HDAC9: variants seen among roughly 807,000 people sequenced by gnomAD.
HDAC9 encodes MEF-2 interacting transcription repressor (MITR) protein.
In HDAC9, 41 loss-of-function variants were observed where a neutral mutation model predicts 139.4. That is an observed-to-expected ratio of 0.29 (90% CI 0.23 to 0.38). HDAC9 has a LOEUF of 0.38. Ranked by LOEUF, HDAC9 falls within the 10% of genes least tolerant of loss-of-function variation. HDAC9 has a pLI of 1.00. For missense variants in HDAC9, 1,147 were observed against 1,297.0 expected (o/e 0.88, Z 1.78); for synonymous variants, 517 against 476.2 (o/e 1.09, Z -1.12).
At chr7:18,568,920 A>G (rs1583489926) in intron 2 of HDAC9, among the ~76,000 whole-genome samples, 2 of 152,084 alleles carry the variant, frequency 1.3e-5, no homozygotes, top group Admixed American at 1.3e-4. Context: ...GGTGGCACAT[A>G]CCTGTAATAC....
intron 22 of HDAC9, among the ~76,000 whole-genome samples, chr7:18,933,534 G>A (rs1366186280): frequency 6.6e-6 from 1 of 151,236 alleles, no homozygotes; most frequent in Non-Finnish European, 1.5e-5. Flanking sequence ...ATAAATTTTG[G>A]GGTGTAGTCA....
chr7:18,972,314 G>A (rs559527565), intron 24 of HDAC9, among the ~76,000 whole-genome samples: 1 of 150,144 alleles, frequency 6.7e-6, no homozygotes, highest in East Asian at 2.0e-4. Context: ...CCGGATTAGT[G>A]TGGGATCTCC....
intron 1 of HDAC9, among the ~76,000 whole-genome samples, chr7:18,097,153 G>C (rs530967078): frequency 6.6e-6 from 1 of 152,176 alleles, no homozygotes; most frequent in Non-Finnish European, 1.5e-5. Flanking sequence ...TGGCTAGTGG[G>C]CAGCACAGAC....
Position 18,376,960 on chromosome 7 carries a change from G to C in HDAC9, c.-42+86445G>C, listed in dbSNP as rs576042239. On this transcript the variant is annotated intron_variant, in intron 1 of 3. Transcript: ENST00000413509. ...ACCTAAGCTGATGAAGACATTAATGGTTTTTTAAAGGGAACAAGCATATGA... is the reference window on the plus strand; with the variant it reads ...ACCTAAGCTGATGAAGACATTAATGCTTTTTTAAAGGGAACAAGCATATGA... Among the ~76,000 whole-genome samples, 53 of 152,032 alleles carry C rather than the reference G, an allele frequency of 3.5e-4. 1 individual carries two copies. The highest frequency in any genetic ancestry group is 1.2e-3 in the African/African-American group (49 of 41,500).
At chr7:18,559,638 G>T (rs375922730) in intron 2 of HDAC9, among the ~76,000 whole-genome samples, 4 of 152,068 alleles carry the variant, frequency 2.6e-5, no homozygotes, top group Non-Finnish European at 5.9e-5. Flanking sequence ...AGGAGCTAAG[G>T]CCCCTACACT....
intron 16 of HDAC9, among the ~76,000 whole-genome samples, chr7:18,784,389 T>A (rs1791514833): frequency 1.3e-5 from 2 of 152,030 alleles, no homozygotes; most frequent in Admixed American, 1.3e-4. Context: ...CAAGAATTTT[T>A]TTTTTACAAC....
intron 17 of HDAC9, among the ~76,000 whole-genome samples, chr7:18,821,515 T>C (rs28401174): frequency 0.03 from 4,522 of 152,208 alleles, 232 homozygotes; most frequent in African/African-American, 0.1. Context: ...GAAAGCAAGA[T>C]GAATGGTGAT....
intron 13 of HDAC9, among the ~76,000 whole-genome samples, chr7:18,734,666 T>C (rs1265899534): frequency 6.6e-6 from 1 of 152,234 alleles, no homozygotes; most frequent in East Asian, 1.9e-4. Flanking sequence ...TTCCAGGTCT[T>C]TCCTGTTGTG....
At chr7:18,501,130 TAAAAC>T (rs887208262) in intron 2 of HDAC9, among the ~76,000 whole-genome samples, 9 of 152,150 alleles carry the variant, frequency 5.9e-5, no homozygotes, top group South Asian at 2.1e-4. Flanking sequence ...GAGATGAACT[TAAAAC>T]AAACAAAAAA....
intron 2 of HDAC9, among the ~76,000 whole-genome samples, chr7:18,497,792 C>T (rs1049462833): frequency 6.6e-6 from 1 of 152,132 alleles, no homozygotes; most frequent in Admixed American, 6.6e-5. Context: ...TTTTAGTCCT[C>T]ACTTCTGTGT....
chr7:18,663,486 C>T (rs777650673), intron 11 of HDAC9, among the ~76,000 whole-genome samples: 3 of 151,978 alleles, frequency 2.0e-5, no homozygotes, highest in Admixed American at 1.3e-4. Context: ...CAGGGACTTC[C>T]GACATAGCAT....
At position 18,172,208 on chromosome 7, in the gene HDAC9, T is replaced by C. The variant is rs576189175; in HGVS notation, c.25+9859T>C. 7.9e-5 allele frequency among the ~76,000 whole-genome samples: 12 copies of C among 152,272 alleles called. No individual in the cohort carries two copies. In the East Asian group the frequency reaches 1.2e-3, roughly 15 times the overall value. On this transcript the variant is annotated intron_variant, in intron 2 of 12. Coordinates refer to the HDAC9 transcript ENST00000417496. ...GTGTCTAGGAATTTATCCATTTCTTTTAGATTTTCTAGTTTATTTGCATAG... is the reference window on the plus strand; with the variant it reads ...GTGTCTAGGAATTTATCCATTTCTTCTAGATTTTCTAGTTTATTTGCATAG...
At chr7:18,391,438 C>A (rs1786481645) in intron 1 of HDAC9, among the ~76,000 whole-genome samples, 1 of 152,006 alleles carries the variant, frequency 6.6e-6, no homozygotes, top group Admixed American at 6.6e-5. Context: ...TGTCCTACAT[C>A]CTTTTCTTGG....
chr7:18,469,834 G>A (rs1390187803), intron 1 of HDAC9, among the ~76,000 whole-genome samples: 3 of 152,046 alleles, frequency 2.0e-5, no homozygotes, highest in South Asian at 2.1e-4. Flanking sequence ...TAGAAACAAC[G>A]AATCATAGGT....
At chr7:18,205,007 G>C (rs1354407300) in intron 2 of HDAC9, among the ~76,000 whole-genome samples, 1 of 151,914 alleles carries the variant, frequency 6.6e-6, no homozygotes, top group Non-Finnish European at 1.5e-5. Flanking sequence ...TTATATGTGT[G>C]TGTGTGTGTT....
intron 17 of HDAC9, among the ~76,000 whole-genome samples, chr7:18,821,921 T>C (rs1795003977): frequency 6.6e-6 from 1 of 152,152 alleles, no homozygotes; most frequent in Non-Finnish European, 1.5e-5. Context: ...TGTTTTACTA[T>C]GAGAGACACA....
In HDAC9 at chr7:18,939,671, A is replaced by G. The variant is rs145742249; in HGVS notation, c.2937+3729A>G. On this transcript the variant is annotated intron_variant, in intron 23 of 25. Transcript: ENST00000686413. The stretch of plus-strand genomic sequence containing the variant: ...TCACCATTTTTTAAAAAGTGCATAT[A>G]TGTAGTTTTCACAGTAGTTTTATAT... Among the ~76,000 whole-genome samples the G allele has an allele frequency of 2.8e-3, 420 of 152,314 alleles. 2 individuals are homozygous for G. The highest frequency in any genetic ancestry group is 9.9e-3 in the African/African-American group (410 of 41,576).
chr7:18,967,988 C>A (rs1783988445), intron 24 of HDAC9, among the ~76,000 whole-genome samples: 1 of 151,872 alleles, frequency 6.6e-6, no homozygotes, highest in Non-Finnish European at 1.5e-5. Context: ...CTTGGAGAAA[C>A]CCGGTCTCTA....
chr7:18,897,826 A>AC (rs1157385023), intron 22 of HDAC9, among the ~76,000 whole-genome samples: 3 of 151,660 alleles, frequency 2.0e-5, no homozygotes, highest in Non-Finnish European at 4.4e-5. Flanking sequence ...TTAAAAAAAA[A>AC]AAAAAAAATC....
Sources: gnomAD v4.1 joint callset for allele counts (sites outside exome capture counted in the v4.1 genomes callset) on GRCh38, gnomAD v4.1.1 for gene constraint, MANE v1.5 for transcripts, NCBI Gene and HGNC (gene_info 2026-07-23, HGNC 2026-07-21) for gene names.